Variants in TCF12 observed in about 807,000 individuals in gnomAD.
TCF12 encodes transcription factor 12.
A neutral mutation model predicts 86.0 loss-of-function variants in TCF12; 45 were observed. The ratio of observed to expected loss-of-function variants is 0.52; its 90% CI spans 0.41 to 0.67. The LOEUF (loss-of-function observed/expected upper bound fraction) is 0.67. Ranked by LOEUF, TCF12 falls within the 30% of genes least tolerant of loss-of-function variation. The pLI, the probability that TCF12 is intolerant of heterozygous loss-of-function variation, is 0.00. For synonymous variants in TCF12, 330 were observed against 299.6 expected (o/e 1.10, Z -1.05); for missense variants, 881 against 859.9 (o/e 1.02, Z -0.31).
At chr15:57,023,446 A>G (rs2065619856) in intron 3 of TCF12, among the ~76,000 whole-genome samples, 1 of 152,100 alleles carries the variant, frequency 6.6e-6, no homozygotes, top group Admixed American at 6.6e-5. Context: ...TGATGATCAC[A>G]ACTTACTGAT....
rs796115656 is a variant in TCF12, at chr15:57,170,690, A to C, written c.390+4224A>C. Reference sequence around the variant, plus strand: ...ATATATATATAATATATTATATATAATATATATTATATATAATATATAATA... The same window carrying C: ...ATATATATATAATATATTATATATACTATATATTATATATAATATATAATA... On this transcript the variant is annotated intron_variant, in intron 6 of 20. Transcript: ENST00000333725. 1.8e-3 allele frequency among the ~76,000 whole-genome samples: 6 copies of C among 3,360 alleles called. 1 individual carries two copies. Among genetic ancestry groups the C allele is most frequent in the African/African-American group, 3.5e-3 (6 of 1,730 alleles). 2.2% of individuals were successfully genotyped at this position (3,360 alleles called of 152,430 possible).
chr15:57,240,499 A>G (rs1309560695), intron 12 of TCF12, among the ~76,000 whole-genome samples: 3 of 152,216 alleles, frequency 2.0e-5, no homozygotes, highest in African/African-American at 4.8e-5. Context: ...TAGTCAAGAC[A>G]TATTTCATAA....
rs1046083854 is a variant in TCF12, at chr15:57,080,254, T to C, written c.223-11535T>C. On this transcript the variant is annotated intron_variant, in intron 4 of 20. Transcript: ENST00000333725. ...ACACCTACCTCTCATAACTTGATAG[T>C]GAAACCTTTCTGTTTTTCAAAGGGA... 3.7e-4 allele frequency among the ~76,000 whole-genome samples: 57 copies of C among 152,242 alleles called. 1 individual carries two copies. The highest frequency in any genetic ancestry group is 3.7e-3 in the Admixed American group (56 of 15,288).
At chr15:57,099,075 G>A (rs2049541174) in intron 5 of TCF12, among the ~76,000 whole-genome samples, 1 of 152,140 alleles carries the variant, frequency 6.6e-6, no homozygotes, top group East Asian at 1.9e-4. Context: ...TAGTGGTATG[G>A]AATGTTTTTA....
chr15:56,993,433 C>G (rs2063549138), intron 3 of TCF12, among the ~76,000 whole-genome samples: 1 of 152,066 alleles, frequency 6.6e-6, no homozygotes, highest in Non-Finnish European at 1.5e-5. Context: ...GTTTCCAAGT[C>G]AGATACAGTA....
chr15:57,165,481 CATT>C (rs2054820037), intron 5 of TCF12, among the ~76,000 whole-genome samples: 1 of 151,548 alleles, frequency 6.6e-6, no homozygotes, highest in African/African-American at 2.4e-5. Flanking sequence ...TCATGCACAT[CATT>C]ATTATGATAA....
intron 19 of TCF12, among the ~76,000 whole-genome samples, chr15:57,278,204 T>C (rs138764733): frequency 6.6e-6 from 1 of 152,042 alleles, no homozygotes; most frequent in African/African-American, 2.4e-5. Flanking sequence ...CAAAGACAAA[T>C]GTTATAGAAT....
chr15:57,150,570 C>G (rs1487887271), intron 5 of TCF12, among the ~76,000 whole-genome samples: 1 of 151,872 alleles, frequency 6.6e-6, no homozygotes, highest in African/African-American at 2.4e-5. Context: ...AATCTAGCAC[C>G]CAAAAATATA....
At chr15:56,920,397 C>A (rs1341199599) in intron 2 of TCF12, among the ~76,000 whole-genome samples, 1 of 151,740 alleles carries the variant, frequency 6.6e-6, no homozygotes, top group Admixed American at 6.6e-5. Context: ...GTTTATGGTA[C>A]CTGAAAGATG....
chr15:57,110,232 A>G (rs531175722), intron 5 of TCF12, among the ~76,000 whole-genome samples: 2 of 152,316 alleles, frequency 1.3e-5, no homozygotes, highest in African/African-American at 4.8e-5. Context: ...TAATGTGATC[A>G]AGGTAGGCTA....
chr15:57,019,773 T>TTAA (rs2141241075), intron 3 of TCF12, among the ~76,000 whole-genome samples: 1 of 152,282 alleles, frequency 6.6e-6, no homozygotes, highest in Admixed American at 6.5e-5. Flanking sequence ...GTCACAAATC[T>TTAA]TGTGACCTCT....
At chr15:57,101,704 A>ATG (rs2049767637) in intron 5 of TCF12, among the ~76,000 whole-genome samples, 1 of 152,136 alleles carries the variant, frequency 6.6e-6, no homozygotes, top group South Asian at 2.1e-4. Context: ...TATACATGAT[A>ATG]TGTTTTGGTG....
chr15:56,985,774 T>G (rs1392261008), intron 3 of TCF12, among the ~76,000 whole-genome samples: 8 of 152,160 alleles, frequency 5.3e-5, no homozygotes, highest in Non-Finnish European at 1.5e-5. Context: ...TACAATAACG[T>G]GTTTAATTCT....
chr15:57,100,064 T>G lies in TCF12; in HGVS notation c.325+8173T>G, dbSNP rs1045294308. Among the ~76,000 whole-genome samples the G allele has an allele frequency of 9.8e-5, 15 of 152,306 alleles. No homozygotes were observed. The East Asian group carries it at 2.1e-3, about 22-fold the overall frequency. The stretch of plus-strand genomic sequence containing the variant: ...GATCAGTAGTTATCTTTATGGATCC[T>G]TATTGTTTTATAGTGGGCCAGTTGC... On this transcript the variant is annotated intron_variant, in intron 5 of 20. Coordinates refer to ENST00000333725, the MANE Select transcript of TCF12 (RefSeq NM_207037.2).
At chr15:57,062,034 G>A (rs1355422780) in intron 3 of TCF12, among the ~76,000 whole-genome samples, 1 of 151,900 alleles carries the variant, frequency 6.6e-6, no homozygotes, top group Non-Finnish European at 1.5e-5. Context: ...TCGGCTCACT[G>A]CAACCTCCAC....
intron 3 of TCF12, among the ~76,000 whole-genome samples, chr15:56,984,293 T>TGTGTGTGTGTGTGA (rs1491300802): frequency 2.1e-5 from 3 of 140,128 alleles, no homozygotes; most frequent in Non-Finnish European, 3.1e-5. Flanking sequence ...TGTGTGTGTG[T>TGTGTGTGTGTGTGA]GAAGGGTGGA....
intron 5 of TCF12, among the ~76,000 whole-genome samples, chr15:57,108,479 C>T (rs2050277470): frequency 6.6e-6 from 1 of 152,046 alleles, no homozygotes; most frequent in Non-Finnish European, 1.5e-5. Context: ...CCCTTTTTCT[C>T]CCCTAAAATG....
At chr15:57,017,197 T>C (rs1175596756) in intron 3 of TCF12, among the ~76,000 whole-genome samples, 2 of 152,096 alleles carry the variant, frequency 1.3e-5, no homozygotes, top group Non-Finnish European at 2.9e-5. Context: ...CTCTCTAGAG[T>C]GTCCATTTGA....
At chr15:57,111,978 CT>C (rs1180116628) in intron 5 of TCF12, among the ~76,000 whole-genome samples, 2 of 152,174 alleles carry the variant, frequency 1.3e-5, no homozygotes, top group East Asian at 1.9e-4. Flanking sequence ...GCTAAGCCCC[CT>C]CTCCACTTCT....
Sources: allele counts gnomAD v4.1 joint callset (sites outside exome capture counted in the v4.1 genomes callset), GRCh38; gene constraint gnomAD v4.1.1; transcripts MANE v1.5; gene names NCBI Gene and HGNC (gene_info 2026-07-23, HGNC 2026-07-21).